ARL15: variants seen among roughly 807,000 people sequenced by gnomAD.
ARL15 encodes ARF like GTPase 15, also known as ADP-ribosylation factor-like protein 15.
A neutral mutation model predicts 25.2 loss-of-function variants in ARL15; 19 were observed. The ratio of observed to expected loss-of-function variants is 0.75; its 90% CI spans 0.53 to 1.10. The LOEUF is 1.10. Among genes scored for constraint, ARL15 ranks in the 50% least tolerant of loss-of-function variants. ARL15 has a pLI of 0.00. For synonymous variants in ARL15, 94 were observed against 86.8 expected, an observed-to-expected ratio of 1.08 and a Z score of -0.46; for missense variants, 220 against 246.0, an observed-to-expected ratio of 0.89 and a Z score of 0.71.
chr5:53,944,315 TA>T (rs1239218246), intron 4 of ARL15, among the ~76,000 whole-genome samples: 1 of 151,742 alleles, frequency 6.6e-6, no homozygotes, highest in Non-Finnish European at 1.5e-5. Flanking sequence ...AGGGATGAAA[TA>T]AAGAAATGAC....
chr5:53,926,844 A>AC (rs947820683), intron 4 of ARL15, among the ~76,000 whole-genome samples: 4 of 151,626 alleles, frequency 2.6e-5, no homozygotes, highest in African/African-American at 9.7e-5. Context: ...AGCCAGGAAA[A>AC]CCCCCCACAA....
chr5:54,205,856 C>G (rs1755851889), intron 1 of ARL15, among the ~76,000 whole-genome samples: 1 of 152,126 alleles, frequency 6.6e-6, no homozygotes, highest in African/African-American at 2.4e-5. Flanking sequence ...ACTTCCTTGT[C>G]CTTTTCCTCA....
chr5:54,063,214 T>C (rs916734212), intron 4 of ARL15, among the ~76,000 whole-genome samples: 2 of 152,236 alleles, frequency 1.3e-5, no homozygotes, highest in African/African-American at 4.8e-5. Flanking sequence ...CGAGTACAAC[T>C]GGCTTATGCC....
intron 4 of ARL15, among the ~76,000 whole-genome samples, chr5:54,032,562 T>C (rs1750025916): frequency 6.6e-6 from 1 of 151,394 alleles, no homozygotes; most frequent in Admixed American, 6.6e-5. Context: ...TTTTGGTACA[T>C]CTATGTTGAG....
At chr5:54,271,611 A>G (rs1757786452) in intron 1 of ARL15, among the ~76,000 whole-genome samples, 1 of 152,198 alleles carries the variant, frequency 6.6e-6, no homozygotes, top group South Asian at 2.1e-4. Flanking sequence ...GACCATATAT[A>G]TATCCTTTTT....
intron 4 of ARL15, among the ~76,000 whole-genome samples, chr5:53,954,490 T>C (rs1262134754): frequency 1.3e-5 from 2 of 152,190 alleles, no homozygotes; most frequent in African/African-American, 4.8e-5. Flanking sequence ...ACCTGTCCAC[T>C]CCTTGAACAT....
At chr5:54,197,707 T>C (rs1031447761) in intron 1 of ARL15, among the ~76,000 whole-genome samples, 3 of 152,110 alleles carry the variant, frequency 2.0e-5, no homozygotes, top group Non-Finnish European at 4.4e-5. Flanking sequence ...AGCTGAATTC[T>C]ACCAGAGGTA....
At chr5:54,293,196 G>T (rs1758377707) in intron 1 of ARL15, among the ~76,000 whole-genome samples, 3 of 152,122 alleles carry the variant, frequency 2.0e-5, no homozygotes, top group Admixed American at 2.0e-4. Flanking sequence ...CTATGATTCT[G>T]TTGGAATCCT....
intron 4 of ARL15, among the ~76,000 whole-genome samples, chr5:54,050,789 T>C (rs1750682111): frequency 1.3e-5 from 2 of 152,200 alleles, no homozygotes; most frequent in South Asian, 2.1e-4. Flanking sequence ...AGCTGTTCCC[T>C]TCTCTCTATT....
intron 4 of ARL15, among the ~76,000 whole-genome samples, chr5:53,934,235 T>G (rs1235488414): frequency 6.6e-6 from 1 of 152,204 alleles, no homozygotes; most frequent in African/African-American, 2.4e-5. Flanking sequence ...ATATCCCTGC[T>G]GTACTTGGAG....
chr5:54,004,434 A>T (rs1035389427), intron 4 of ARL15, among the ~76,000 whole-genome samples: 1 of 151,358 alleles, frequency 6.6e-6, no homozygotes, highest in Non-Finnish European at 1.5e-5. Flanking sequence ...TGGAGGTTGC[A>T]GTGAGCTGAG....
At chr5:53,955,837 A>C (rs936140680) in intron 4 of ARL15, among the ~76,000 whole-genome samples, 1 of 152,148 alleles carries the variant, frequency 6.6e-6, no homozygotes, top group African/African-American at 2.4e-5. Flanking sequence ...TGTTTTTGTC[A>C]TTTCTAACTT....
intron 1 of ARL15, among the ~76,000 whole-genome samples, chr5:54,272,859 A>C (rs1330582535): frequency 6.6e-6 from 1 of 152,214 alleles, no homozygotes; most frequent in Non-Finnish European, 1.5e-5. Context: ...AATTATAGCC[A>C]CTATTCCATA....
chr5:53,898,623 CT>C (rs201020472), intron 4 of ARL15, among the ~76,000 whole-genome samples: 1 of 150,512 alleles, frequency 6.6e-6, no homozygotes, highest in Non-Finnish European at 1.5e-5. Flanking sequence ...CTTTATATTT[CT>C]TTTTTTTTGG....
At chr5:54,261,227 T>C (rs1227812141) in intron 1 of ARL15, among the ~76,000 whole-genome samples, 1 of 152,198 alleles carries the variant, frequency 6.6e-6, no homozygotes, top group Non-Finnish European at 1.5e-5. Context: ...TGATATTCTA[T>C]AGGCAATAAC....
At chr5:54,114,010 T>C (rs1752817522) in intron 3 of ARL15, among the ~76,000 whole-genome samples, 1 of 152,196 alleles carries the variant, frequency 6.6e-6, no homozygotes. Flanking sequence ...TTTGGCTTCA[T>C]AACCCATGAG....
intron 1 of ARL15, among the ~76,000 whole-genome samples, chr5:54,181,257 G>C (rs1270834626): frequency 6.6e-6 from 1 of 151,984 alleles, no homozygotes; most frequent in Non-Finnish European, 1.5e-5. Flanking sequence ...CATTGTAATG[G>C]CTTGAAGGGA....
At chr5:54,044,398 C>T (rs959355114) in intron 4 of ARL15, among the ~76,000 whole-genome samples, 27 of 151,984 alleles carry the variant, frequency 1.8e-4, no homozygotes, top group African/African-American at 6.0e-4. Flanking sequence ...CTCTCACCAC[C>T]ACGCCTGGCT....
intron 1 of ARL15, among the ~76,000 whole-genome samples, chr5:54,273,602 G>C (rs554819649): frequency 5.7e-4 from 87 of 152,240 alleles, no homozygotes; most frequent in African/African-American, 2.1e-3. Context: ...ATCAAATTCT[G>C]CCTCAAAATC....
Sources: allele counts gnomAD v4.1 joint callset (sites outside exome capture counted in the v4.1 genomes callset), GRCh38; gene constraint gnomAD v4.1.1; transcripts MANE v1.5; gene names NCBI Gene and HGNC (gene_info 2026-07-23, HGNC 2026-07-21).